Variants in RASA1 observed in about 807,000 individuals in gnomAD.
The protein encoded by RASA1 is ras GTPase-activating protein 1.
RASA1 carries 25 observed loss-of-function variants against 132.2 expected under a neutral mutation model. That is an observed-to-expected ratio of 0.19 (90% confidence interval 0.14 to 0.26). RASA1 has a LOEUF of 0.26. Among genes scored for constraint, RASA1 ranks in the 10% least tolerant of loss-of-function variants. The pLI, the probability that RASA1 is intolerant of heterozygous loss-of-function variation, is 1.00. For missense variants in RASA1, 964 were observed against 1,299.2 expected, an observed-to-expected ratio of 0.74 and a Z score of 3.97; for synonymous variants, 477 against 449.9, an observed-to-expected ratio of 1.06 and a Z score of -0.76.
At chr5:87,318,459 TGTACAGGAAGC>T (rs1322195593) in intron 1 of RASA1, 1 of 153,448 alleles carries the variant, frequency 6.5e-6, no homozygotes, top group Non-Finnish European at 1.4e-5. Flanking sequence ...TTCTGCAGGC[TGTACAGGAAGC>T]ATGGCGGGGG....
intron 1 of RASA1, among the ~76,000 whole-genome samples, chr5:87,306,692 G>GA (rs1032091869): frequency 1.3e-5 from 2 of 151,300 alleles, no homozygotes; most frequent in African/African-American, 4.9e-5. Context: ...TTTTTTTTAA[G>GA]AAAAAAAGAA....
chr5:87,348,866 A>G (rs1308162250), intron 7 of RASA1, among the ~76,000 whole-genome samples: 7 of 152,008 alleles, frequency 4.6e-5, no homozygotes. Flanking sequence ...AGATTTACAT[A>G]CAGAATTTAG....
chr5:87,384,854 T>C (rs528062701), intron 21 of RASA1, among the ~76,000 whole-genome samples: 14 of 152,256 alleles, frequency 9.2e-5, no homozygotes, highest in African/African-American at 3.4e-4. Flanking sequence ...ATCTTGCTTC[T>C]TGAGCTTTAA....
In RASA1 at chr5:87,268,803, A is replaced by C; in HGVS notation, c.352A>C (p.Lys118Gln). 6.2e-7 allele frequency: 1 copy of C among 1,613,994 alleles called. No individual in the cohort carries two copies. The highest frequency in any genetic ancestry group is 1.1e-5 in the South Asian group (1 of 91,072). The change falls in exon 1 of 25, where the codon AAA (lysine) becomes CAA (glutamine). Residue 118 changes from lysine (K) to glutamine (Q), a missense_variant. Coordinates refer to ENST00000274376, the MANE Select transcript of RASA1 (RefSeq NM_002890.3). ...AGPSGDMALTKLPTSLLAETL... is the reference protein window; with the variant it reads ...AGPSGDMALTQLPTSLLAETL... The stretch of plus-strand genomic sequence containing the variant: ...ACCTAGTGGAGACATGGCTCTCACC[A>C]AACTGCCCACTTCGTTGCTTGCTGA...
chr5:87,303,321 C>G (rs781149917), intron 1 of RASA1, among the ~76,000 whole-genome samples: 1 of 151,674 alleles, frequency 6.6e-6, no homozygotes, highest in Non-Finnish European at 1.5e-5. Context: ...TTACGTTGTA[C>G]CTTTGCTTTT....
intron 1 of RASA1, among the ~76,000 whole-genome samples, chr5:87,281,743 G>A (rs1168275629): frequency 3.3e-5 from 5 of 152,034 alleles, no homozygotes; most frequent in East Asian, 3.9e-4. Flanking sequence ...ACCACGCCCG[G>A]CAAATTTTTG....
chr5:87,277,440 T>C (rs1580189354), intron 1 of RASA1, among the ~76,000 whole-genome samples: 1 of 152,040 alleles, frequency 6.6e-6, no homozygotes, highest in Non-Finnish European at 1.5e-5. Flanking sequence ...ATAGGACGGG[T>C]ACCTTTATAA....
At chr5:87,379,637 AAT>A (rs1416814434) in intron 18 of RASA1, 96 bp from the exon 19 acceptor site, 1 of 1,498,606 alleles carries the variant, frequency 6.7e-7, no homozygotes, top group African/African-American at 1.4e-5. Flanking sequence ...GATACCGAAA[AAT>A]AGACAACCTC....
At chr5:87,377,530 T>G (rs1428080591) in intron 17 of RASA1, among the ~76,000 whole-genome samples, 5 of 152,022 alleles carry the variant, frequency 3.3e-5, no homozygotes, top group Non-Finnish European at 7.4e-5. Context: ...AGAGACGGGT[T>G]TTCACCATGT....
intron 7 of RASA1, 58 bp from the exon 8 acceptor site, chr5:87,349,156 A>G (rs545247371): frequency 6.3e-7 from 1 of 1,578,242 alleles, no homozygotes; most frequent in Non-Finnish European, 8.7e-7. Context: ...AATACTACTT[A>G]ACATCTTTTC....
chr5:87,281,545 C>A (rs778651291), intron 1 of RASA1, among the ~76,000 whole-genome samples: 3 of 151,534 alleles, frequency 2.0e-5, no homozygotes, highest in Non-Finnish European at 4.4e-5. Flanking sequence ...ATATATATAT[C>A]TTTTTTTTGA....
Position 87,268,201 on chromosome 5 carries a change from A to C in RASA1, c.-251A>C. The C allele has an allele frequency of 1.8e-6, 1 of 557,530 alleles. No homozygotes were observed. Among genetic ancestry groups the C allele is most frequent in the Non-Finnish European group, 3.1e-6 (1 of 318,598 alleles). The allele number at this position is 557,530 out of a possible 1,614,324, so 34.5% of individuals were successfully genotyped here. ...TGCGTGAGTGTGGGTGTGTGCGGTG[A>C]GGTTTGGGTGGCGTTTGTGCAGGCG... On this transcript the variant is annotated 5_prime_UTR_variant, in exon 1 of 25. Transcript: ENST00000274376.
At chr5:87,374,690 TA>T in intron 14 of RASA1, 149 bp from the exon 15 acceptor site, 1 of 1,151,056 alleles carries the variant, frequency 8.7e-7, no homozygotes, top group Non-Finnish European at 1.2e-6. Context: ...TACCAAATAA[TA>T]AAATATGTTG....
At chr5:87,343,411 A>G (rs1758621419) in intron 6 of RASA1, among the ~76,000 whole-genome samples, 2 of 152,138 alleles carry the variant, frequency 1.3e-5, no homozygotes, top group Admixed American at 1.3e-4. Context: ...AGCTGGAATA[A>G]TCTACCTAGA....
rs1336493656 is a variant in RASA1, at chr5:87,271,449, CTTCTTTTTT to C, written c.539+2462_539+2470del. On this transcript the variant is annotated intron_variant, in intron 1 of 24. Transcript: ENST00000274376. ...GTTAAAAAAAACTGTTTTTAGTAGA[CTTCTTTTTT>C]TTTTTTTTTTTTTTTTTTTTTTTTT... 8.0e-3 allele frequency among the ~76,000 whole-genome samples: 538 copies of C among 67,416 alleles called. 9 individuals are homozygous for C. Among genetic ancestry groups the C allele is most frequent in the Middle Eastern group, 0.024 (2 of 82 alleles). The allele number at this position is 67,416 out of a possible 152,430, so 44.2% of individuals were successfully genotyped here. A position where few individuals can be genotyped will look rare whatever the true frequency, so the allele number is the denominator to read the frequency against.
chr5:87,300,566 C>G (rs549912723), intron 1 of RASA1, among the ~76,000 whole-genome samples: 4 of 152,168 alleles, frequency 2.6e-5, no homozygotes, highest in Non-Finnish European at 5.9e-5. Context: ...TAAGTTTATC[C>G]TGCTTACTAA....
intron 1 of RASA1, among the ~76,000 whole-genome samples, chr5:87,319,217 C>T (rs1405049916): frequency 6.6e-6 from 1 of 152,212 alleles, no homozygotes; most frequent in Non-Finnish European, 1.5e-5. Flanking sequence ...TGCAGGCACA[C>T]AGTGCAAGCT....
chr5:87,306,141 C>G (rs1009357028), intron 1 of RASA1, among the ~76,000 whole-genome samples: 1 of 151,922 alleles, frequency 6.6e-6, no homozygotes, highest in African/African-American at 2.4e-5. Context: ...GAATATAAAT[C>G]ACTCTATTAT....
At chr5:87,364,069 T>C (rs1561311973) in intron 11 of RASA1, among the ~76,000 whole-genome samples, 1 of 152,114 alleles carries the variant, frequency 6.6e-6, no homozygotes. Context: ...TCAAGAACAA[T>C]GGCCTTTACC....
Sources: gnomAD v4.1 joint callset for allele counts (sites outside exome capture counted in the v4.1 genomes callset) on GRCh38, gnomAD v4.1.1 for gene constraint, MANE v1.5 for transcripts, NCBI Gene and HGNC (gene_info 2026-07-23, HGNC 2026-07-21) for gene names.